EPHA7: variants seen among roughly 807,000 people sequenced by gnomAD.
EPHA7 encodes ephrin type-A receptor 7.
In EPHA7, 25 loss-of-function variants were observed where a neutral mutation model predicts 112.6. That is an observed-to-expected ratio of 0.22 (90% CI 0.16 to 0.31). The LOEUF (loss-of-function observed/expected upper bound fraction) is 0.31. Among genes scored for constraint, EPHA7 ranks in the 10% least tolerant of loss-of-function variants. EPHA7 has a pLI of 1.00. For synonymous variants in EPHA7, 437 were observed against 406.5 expected, an observed-to-expected ratio of 1.07 and a Z score of -0.90; for missense variants, 962 against 1,212.6, an observed-to-expected ratio of 0.79 and a Z score of 3.07.
intron 10 of EPHA7, among the ~76,000 whole-genome samples, chr6:93,259,022 T>C (rs1770570958): frequency 6.6e-6 from 1 of 152,096 alleles, no homozygotes; most frequent in East Asian, 1.9e-4. Context: ...AAAGGAAATG[T>C]GCAGCAAAAT....
At chr6:93,372,687 T>A (rs1181833090) in intron 3 of EPHA7, among the ~76,000 whole-genome samples, 1 of 152,136 alleles carries the variant, frequency 6.6e-6, no homozygotes, top group African/African-American at 2.4e-5. Context: ...AGTTATGGCC[T>A]CAAATGGCAT....
At chr6:93,332,445 G>C (rs1183296856) in intron 5 of EPHA7, among the ~76,000 whole-genome samples, 1 of 151,462 alleles carries the variant, frequency 6.6e-6, no homozygotes, top group Non-Finnish European at 1.5e-5. Flanking sequence ...TCTTTTATCT[G>C]ATACATACTT....
At position 93,410,990 on chromosome 6, in the gene EPHA7, C is replaced by T; in HGVS notation, c.343G>A (p.Val115Ile). 1 of 1,614,052 alleles carries T rather than the reference C, an allele frequency of 6.2e-7. No homozygotes were observed. Among genetic ancestry groups the T allele is most frequent in the Non-Finnish European group, 8.5e-7 (1 of 1,179,982 alleles). ...AATGTTTCCTTGCAAGTTCCCAGTA[C>T]TCCAGGAAGACTGTTACAATCCCTC... ...TLRDCNSLPG[V>I]LGTCKETFNL... Residue 115 changes from valine (V) to isoleucine (I), a missense_variant, in exon 3 of 17, where the codon GTA becomes ATA. By Grantham distance (29) the Val-to-Ile change is conservative. Coordinates refer to ENST00000369303, the MANE Select transcript of EPHA7 (RefSeq NM_004440.4). The surrounding 1 kb of genome is among the most constrained non-coding windows in gnomAD (Gnocchi z 4.0).
intron 8 of EPHA7, among the ~76,000 whole-genome samples, chr6:93,264,140 T>C (rs577086506): frequency 6.6e-6 from 1 of 151,640 alleles, no homozygotes; most frequent in South Asian, 2.1e-4. Flanking sequence ...TACATTTAGA[T>C]TGAATACACA....
At chr6:93,354,990 C>A (rs1455781250) in intron 5 of EPHA7, among the ~76,000 whole-genome samples, 1 of 151,802 alleles carries the variant, frequency 6.6e-6, no homozygotes, top group African/African-American at 2.4e-5. Context: ...CAAAAGATAG[C>A]TCTTATGTCA....
chr6:93,263,967 A>C, intron 8 of EPHA7, 52 bp from the exon 9 acceptor site: 1 of 1,434,232 alleles, frequency 7.0e-7, no homozygotes, highest in Non-Finnish European at 9.8e-7. Flanking sequence ...TTATATATTT[A>C]ATATTCAGTA....
At chr6:93,315,110 C>T (rs1488145372) in intron 5 of EPHA7, among the ~76,000 whole-genome samples, 2 of 150,196 alleles carry the variant, frequency 1.3e-5, no homozygotes, top group East Asian at 1.9e-4. Flanking sequence ...GATCCGCCCG[C>T]CTCGGCCTCC....
chr6:93,296,652 A>G (rs946086353), intron 5 of EPHA7, among the ~76,000 whole-genome samples: 65 of 151,720 alleles, frequency 4.3e-4, no homozygotes, highest in African/African-American at 1.5e-3. Flanking sequence ...AAGTCAAATA[A>G]ACAGAGATAG....
chr6:93,317,690 T>C (rs1267045998), intron 5 of EPHA7, among the ~76,000 whole-genome samples: 3 of 152,092 alleles, frequency 2.0e-5, no homozygotes, highest in East Asian at 1.9e-4. Flanking sequence ...TAAAACATAG[T>C]TAAGTTGTAT....
chr6:93,357,126 G>T, intron 4 of EPHA7, 74 bp from the exon 5 acceptor site: 1 of 1,200,082 alleles, frequency 8.3e-7, no homozygotes, highest in Non-Finnish European at 1.1e-6. Context: ...AGAACAAAAG[G>T]ATCTGTGTGG....
At chr6:93,356,429 T>A (rs1374416721) in intron 5 of EPHA7, among the ~76,000 whole-genome samples, 1 of 152,130 alleles carries the variant, frequency 6.6e-6, no homozygotes, top group Non-Finnish European at 1.5e-5. Context: ...GGTCTTGAAC[T>A]GCTGACCTTG....
chr6:93,305,076 A>T (rs1210718512), intron 5 of EPHA7, among the ~76,000 whole-genome samples: 1 of 151,976 alleles, frequency 6.6e-6, no homozygotes, highest in Non-Finnish European at 1.5e-5. Context: ...AAGCTTTATA[A>T]GCTTTTATAT....
At chr6:93,358,870 A>C (rs1239729071) in intron 3 of EPHA7, among the ~76,000 whole-genome samples, 1 of 152,192 alleles carries the variant, frequency 6.6e-6, no homozygotes, top group Admixed American at 6.5e-5. Context: ...CATTAATGTA[A>C]CTTTAATTAC....
chr6:93,410,417 A>T lies in EPHA7; in HGVS notation c.832+84T>A, dbSNP rs529598071. 3.9e-6 allele frequency: 5 copies of T among 1,276,116 alleles called. No homozygotes were observed. Among genetic ancestry groups the T allele is most frequent in the Middle Eastern group, 4.8e-4 (2 of 4,148 alleles). The allele number at this position is 1,276,116 out of a possible 1,614,324, so 79.0% of individuals were successfully genotyped here. A position where few individuals can be genotyped will look rare whatever the true frequency, so the allele number is the denominator to read the frequency against. ...CTTCTGGTACAGAGCAGATTCACGT[A>T]TTCAAATAACTATTAAAGTTTAAAA... is the stretch of plus-strand genomic sequence containing the variant. On this transcript the variant is annotated intron_variant, in intron 3 of 16. Transcript: ENST00000369303. The surrounding 1 kb of genome is among the most constrained non-coding windows in gnomAD (Gnocchi z 4.0).
chr6:93,378,332 T>C (rs372807460), intron 3 of EPHA7, among the ~76,000 whole-genome samples: 5 of 152,084 alleles, frequency 3.3e-5, no homozygotes, highest in Non-Finnish European at 5.9e-5. Flanking sequence ...AAAGATAGTG[T>C]TATGATAAGA....
At position 93,402,302 on chromosome 6, in the gene EPHA7, C is replaced by T. The variant is rs147804065; in HGVS notation, c.832+8199G>A. On this transcript the variant is annotated intron_variant, in intron 3 of 16. Coordinates refer to ENST00000369303, the MANE Select transcript of EPHA7 (RefSeq NM_004440.4). ...ATATGGGTAAAAAGAAGTATAATTT[C>T]AAATAAAACCTACAATGTTCTAATT... is the stretch of plus-strand genomic sequence containing the variant. 1.6e-4 allele frequency among the ~76,000 whole-genome samples: 25 copies of T among 152,022 alleles called. No homozygotes were observed. The East Asian group carries it at 3.3e-3, about 20-fold the overall frequency.
At chr6:93,383,131 A>C (rs1444213815) in intron 3 of EPHA7, among the ~76,000 whole-genome samples, 1 of 152,070 alleles carries the variant, frequency 6.6e-6, no homozygotes, top group Non-Finnish European at 1.5e-5. Flanking sequence ...CATGCTACCC[A>C]ATAATTAACA....
At chr6:93,401,294 T>A (rs1303268837) in intron 3 of EPHA7, among the ~76,000 whole-genome samples, 1 of 152,122 alleles carries the variant, frequency 6.6e-6, no homozygotes, top group East Asian at 1.9e-4. Flanking sequence ...CAGAGTGCAT[T>A]TTCCCTGGGT....
chr6:93,363,547 A>G (rs1180509626), intron 3 of EPHA7, among the ~76,000 whole-genome samples: 1 of 152,186 alleles, frequency 6.6e-6, no homozygotes, highest in African/African-American at 2.4e-5. Flanking sequence ...TAGGATGGCT[A>G]TAACCAAAAA....
Sources: gnomAD v4.1 joint callset for allele counts (sites outside exome capture counted in the v4.1 genomes callset) on GRCh38, gnomAD v4.1.1 for gene constraint, Gnocchi (gnomAD v3.1) non-coding constraint, MANE v1.5 for transcripts, NCBI Gene and HGNC (gene_info 2026-07-23, HGNC 2026-07-21) for gene names.